The following MACROD2 variants were observed in gnomAD, a reference collection of about 807,000 sequenced individuals.
The protein encoded by MACROD2 is mono-ADP ribosylhydrolase 2.
MACROD2 carries 36 observed loss-of-function variants against 70.4 expected under a neutral mutation model. The ratio of observed to expected loss-of-function variants is 0.51; its 90% confidence interval spans 0.39 to 0.68. The LOEUF is 0.68. Ranked by LOEUF, MACROD2 falls within the 30% of genes least tolerant of loss-of-function variation. The pLI, the probability that MACROD2 is intolerant of heterozygous loss-of-function variation, is 0.00. For missense variants in MACROD2, 496 were observed against 538.4 expected (o/e 0.92, Z 0.78); for synonymous variants, 172 against 178.8 (o/e 0.96, Z 0.30).
At chr20:15,208,799 C>T (rs2076734210) in intron 5 of MACROD2, among the ~76,000 whole-genome samples, 1 of 152,156 alleles carries the variant, frequency 6.6e-6, no homozygotes, top group South Asian at 2.1e-4. Flanking sequence ...AGTGAGGAGG[C>T]CTGCTGGGTG....
intron 3 of MACROD2, among the ~76,000 whole-genome samples, chr20:14,302,167 G>T (rs1426552049): frequency 2.6e-5 from 4 of 152,152 alleles, no homozygotes; most frequent in Non-Finnish European, 5.9e-5. Context: ...ATATCATCAT[G>T]CTGGGCTTTT....
chr20:14,117,666 A>C (rs2054533023), intron 3 of MACROD2, among the ~76,000 whole-genome samples: 1 of 152,062 alleles, frequency 6.6e-6, no homozygotes, highest in East Asian at 1.9e-4. Flanking sequence ...TCACATTTTC[A>C]TGACTCTTCA....
chr20:14,642,968 A>G (rs1480393953), intron 4 of MACROD2, among the ~76,000 whole-genome samples: 1 of 152,176 alleles, frequency 6.6e-6, no homozygotes, highest in Non-Finnish European at 1.5e-5. Flanking sequence ...TCCGTGGAGC[A>G]CAGTAAAGTA....
chr20:15,329,651 A>C lies in MACROD2; in HGVS notation c.540+99590A>C, dbSNP rs148571617. 2.2e-3 allele frequency among the ~76,000 whole-genome samples: 330 copies of C among 152,232 alleles called. 2 individuals are homozygous for C. Among genetic ancestry groups the C allele is most frequent in the African/African-American group, 7.2e-3 (300 of 41,566 alleles). ...TACAATATTTTAAAACAAAATCTTG[A>C]AGTGAATTCACAAATTTTTCAGATG... On this transcript the variant is annotated intron_variant, in intron 6 of 17. Transcript: ENST00000684519.
intron 5 of MACROD2, among the ~76,000 whole-genome samples, chr20:14,710,394 G>A (rs2071323809): frequency 6.6e-6 from 1 of 152,142 alleles, no homozygotes; most frequent in African/African-American, 2.4e-5. Context: ...GAAGTTTAGT[G>A]ATTTAAATAG....
intron 6 of MACROD2, among the ~76,000 whole-genome samples, chr20:15,346,558 A>C (rs964778345): frequency 5.3e-5 from 8 of 152,144 alleles, no homozygotes; most frequent in African/African-American, 1.9e-4. Flanking sequence ...GGGACCTGGG[A>C]ATCAGATTGT....
chr20:14,696,898 C>T (rs1051642550), intron 5 of MACROD2, among the ~76,000 whole-genome samples: 4 of 152,072 alleles, frequency 2.6e-5, no homozygotes, highest in Non-Finnish European at 2.9e-5. Context: ...TGAGTTTGTT[C>T]TTGCTTTTAT....
intron 8 of MACROD2, among the ~76,000 whole-genome samples, chr20:15,508,749 G>C (rs1389056694): frequency 6.6e-6 from 1 of 152,116 alleles, no homozygotes; most frequent in Non-Finnish European, 1.5e-5. Flanking sequence ...CCTGGAGTCA[G>C]GAATAAAAAA....
At chr20:15,579,895 A>T (rs1322381195) in intron 8 of MACROD2, among the ~76,000 whole-genome samples, 3 of 152,204 alleles carry the variant, frequency 2.0e-5, no homozygotes, top group African/African-American at 4.8e-5. Flanking sequence ...TTAGCTTGCA[A>T]ATCCTACAGG....
chr20:14,479,505 T>C (rs1182670986), intron 3 of MACROD2, among the ~76,000 whole-genome samples: 1 of 152,182 alleles, frequency 6.6e-6, no homozygotes, highest in Non-Finnish European at 1.5e-5. Context: ...GGTCACCTTC[T>C]TCCTTTTGGT....
intron 3 of MACROD2, among the ~76,000 whole-genome samples, chr20:14,349,450 A>G (rs934586369): frequency 6.7e-6 from 1 of 150,300 alleles, no homozygotes; most frequent in Non-Finnish European, 1.5e-5. Context: ...TCACCCTGTT[A>G]TGCTATCAAA....
intron 5 of MACROD2, among the ~76,000 whole-genome samples, chr20:15,088,300 T>G (rs2075763693): frequency 6.6e-6 from 1 of 150,766 alleles, no homozygotes. Flanking sequence ...ATATGGGACA[T>G]CCATCCTATG....
chr20:15,604,726 G>A (rs911231349), intron 8 of MACROD2, among the ~76,000 whole-genome samples: 2 of 152,158 alleles, frequency 1.3e-5, no homozygotes, highest in Admixed American at 6.5e-5. Flanking sequence ...TGGGGTTCTT[G>A]GTTCTTCTGG....
intron 3 of MACROD2, among the ~76,000 whole-genome samples, chr20:14,138,954 C>G (rs949717352): frequency 6.6e-6 from 1 of 151,722 alleles, no homozygotes; most frequent in African/African-American, 2.4e-5. Context: ...AAAAACTTTT[C>G]TGTTCTGAAG....
chr20:14,002,816 A>G (rs2052751861), intron 2 of MACROD2, among the ~76,000 whole-genome samples: 1 of 152,182 alleles, frequency 6.6e-6, no homozygotes, highest in East Asian at 1.9e-4. Flanking sequence ...TAGGAAAAAT[A>G]GAAAAACCAA....
chr20:15,892,561 A>G (rs1330407107), intron 10 of MACROD2, among the ~76,000 whole-genome samples: 1 of 152,226 alleles, frequency 6.6e-6, no homozygotes, highest in Non-Finnish European at 1.5e-5. Flanking sequence ...AAATTGCACA[A>G]TGACAATTGT....
intron 3 of MACROD2, among the ~76,000 whole-genome samples, chr20:14,106,539 T>G (rs2054371216): frequency 6.6e-6 from 1 of 152,144 alleles, no homozygotes; most frequent in African/African-American, 2.4e-5. Flanking sequence ...CTGGCTGGCT[T>G]TGCCACCTGC....
chr20:15,449,614 G>A (rs1232971213), intron 7 of MACROD2, among the ~76,000 whole-genome samples: 1 of 151,740 alleles, frequency 6.6e-6, no homozygotes, highest in African/African-American at 2.4e-5. Context: ...TTATTTTCAT[G>A]GTTTCCAACT....
chr20:14,859,253 T>A (rs2073289134), intron 5 of MACROD2, among the ~76,000 whole-genome samples: 1 of 152,090 alleles, frequency 6.6e-6, no homozygotes, highest in Non-Finnish European at 1.5e-5. Flanking sequence ...ATAAATAGGG[T>A]TCACTGCCAA....
Sources: gnomAD v4.1 joint callset for allele counts (sites outside exome capture counted in the v4.1 genomes callset) on GRCh38, gnomAD v4.1.1 for gene constraint, MANE v1.5 for transcripts, NCBI Gene and HGNC (gene_info 2026-07-23, HGNC 2026-07-21) for gene names.